The following CEMIP2 variants were observed in gnomAD, a reference collection of about 807,000 sequenced individuals.
CEMIP2 encodes cell migration inducing hyaluronidase 2, also known as cell surface hyaluronidase CEMIP2.
Under a neutral mutation model 146.9 loss-of-function variants are expected in CEMIP2, and 79 were observed. That is an observed-to-expected ratio of 0.54 (90% CI 0.45 to 0.65). The LOEUF is 0.65. Among genes scored for constraint, CEMIP2 ranks in the 30% least tolerant of loss-of-function variants. CEMIP2 has a pLI of 0.00. For missense variants in CEMIP2, 1,596 were observed against 1,696.2 expected (o/e 0.94, Z 1.04); for synonymous variants, 601 against 606.3 (o/e 0.99, Z 0.13).
chr9:71,745,569 T>C lies in CEMIP2; in HGVS notation c.483A>G (p.Val161=). ...TGGATCCATCTTTATTGTCCCCAAA[T>C]ACAAGCAGTCCTGCAGGGAACACCA... ...SIVIQDGGLL[V]FGDNKDGSRN... is the part of the protein sequence containing the mutation. Residue 161 remains valine (V), a synonymous_variant, in exon 4 of 24, where the codon GTA becomes GTG. Transcript: ENST00000377044. 1 of 1,604,180 alleles carries C rather than the reference T, an allele frequency of 6.2e-7. No homozygotes were observed. The highest frequency in any genetic ancestry group is 1.7e-5 in the Admixed American group (1 of 59,798).
At chr9:71,765,554 G>A (rs191131367) in intron 1 of CEMIP2, among the ~76,000 whole-genome samples, 5 of 152,266 alleles carry the variant, frequency 3.3e-5, no homozygotes, top group African/African-American at 1.2e-4. Context: ...TTTTAAGATA[G>A]TACTTCTGAC....
In CEMIP2 at chr9:71,750,308, A is replaced by T; in HGVS notation, c.66T>A (p.Arg22=). 1 of 1,613,902 alleles carries T rather than the reference A, an allele frequency of 6.2e-7. No individual in the cohort carries two copies. Among genetic ancestry groups the T allele is most frequent in the African/African-American group, 1.3e-5 (1 of 75,018 alleles). ...AFLQPQNGNS[R]HPSGYVPGKV... is the part of the protein sequence containing the mutation. ...TCCCTGGAACATAGCCAGATGGGTG[A>T]CGACTATTTCCATTCTGAGGTTGGA... The change falls in exon 2 of 24, where the codon CGT becomes CGA. Residue 22 remains arginine (R), a synonymous_variant. Coordinates refer to ENST00000377044, the MANE Select transcript of CEMIP2 (RefSeq NM_013390.3).
intron 1 of CEMIP2, among the ~76,000 whole-genome samples, chr9:71,766,500 C>G (rs7870422): frequency 6.6e-6 from 1 of 152,016 alleles, no homozygotes; most frequent in Non-Finnish European, 1.5e-5. Flanking sequence ...TACCCTCCAG[C>G]TTGTCTTTTC....
intron 19 of CEMIP2, 87 bp from the exon 20 acceptor site, chr9:71,698,291 A>T: frequency 9.4e-7 from 1 of 1,060,306 alleles, no homozygotes; most frequent in South Asian, 1.5e-5. Context: ...GCCAAAAGGG[A>T]TATTCCTCCA....
intron 5 of CEMIP2, among the ~76,000 whole-genome samples, chr9:71,737,170 A>AAAAG (rs1168153653): frequency 6.8e-5 from 9 of 132,112 alleles, no homozygotes; most frequent in South Asian, 3.1e-4. Context: ...AAAAAAAAAA[A>AAAAG]AAAGAAAGAA....
chr9:71,740,038 A>G (rs1300922166), intron 5 of CEMIP2, 25 bp downstream of exon 5: 1 of 1,602,588 alleles, frequency 6.2e-7, no homozygotes, highest in South Asian at 1.1e-5. Context: ...AGTGTCTTAC[A>G]AGAGTATAAA....
chr9:71,746,399 A>G (rs2132010502), intron 2 of CEMIP2, 58 bp from the exon 3 acceptor site: 1 of 1,591,762 alleles, frequency 6.3e-7, no homozygotes, highest in African/African-American at 1.3e-5. Flanking sequence ...ATATAGCCGA[A>G]TCTAAGCACT....
intron 20 of CEMIP2, among the ~76,000 whole-genome samples, chr9:71,696,719 G>A (rs1822414593): frequency 6.6e-6 from 1 of 151,928 alleles, no homozygotes; most frequent in Non-Finnish European, 1.5e-5. Context: ...GCAGTGAGTC[G>A]AGATCATGCC....
chr9:71,694,099 TTTTATTTATTTA>T (rs77361296), intron 21 of CEMIP2, among the ~76,000 whole-genome samples: 44,202 of 145,448 alleles, frequency 0.3, 6,942 homozygotes, highest in East Asian at 0.48. Flanking sequence ...TGTTGTTTAT[TTTTATTTATTTA>T]TTTATTTATT....
At chr9:71,763,609 T>C (rs1824701240) in intron 1 of CEMIP2, among the ~76,000 whole-genome samples, 1 of 152,246 alleles carries the variant, frequency 6.6e-6, no homozygotes, top group African/African-American at 2.4e-5. Context: ...GAACTTTTAC[T>C]TATTGTTCAA....
chr9:71,737,666 C>T (rs541425701), intron 5 of CEMIP2, among the ~76,000 whole-genome samples: 5 of 152,246 alleles, frequency 3.3e-5, no homozygotes, highest in African/African-American at 1.2e-4. Context: ...TCACCGTACC[C>T]GGCTCTGCCA....
At chr9:71,696,738 C>A (rs1822414988) in intron 20 of CEMIP2, among the ~76,000 whole-genome samples, 1 of 152,058 alleles carries the variant, frequency 6.6e-6, no homozygotes, top group African/African-American at 2.4e-5. Flanking sequence ...CCACTGCACT[C>A]CAGCCTGGGC....
chr9:71,700,679 G>T lies in CEMIP2; in HGVS notation c.3340C>A (p.Gln1114Lys), dbSNP rs1339116715. Residue 1114 changes from glutamine to lysine, a missense_variant, in exon 19 of 24, where the codon CAA becomes AAA. Physicochemically the swap from Gln to Lys is moderately conservative, Grantham distance 53. Coordinates refer to ENST00000377044, the MANE Select transcript of CEMIP2 (RefSeq NM_013390.3). ...TCAAAATAGAATTTCCTCTCGGATT[G>T]CTTTCTTTGCAGTTCTTCCAGTGAA... ...VHSLEELQRK[Q>K]SERKFYFDSS... 1.9e-5 allele frequency: 31 copies of T among 1,608,450 alleles called. No individual in the cohort carries two copies. Among genetic ancestry groups the T allele is most frequent in the Non-Finnish European group, 2.6e-5 (31 of 1,178,234 alleles).
intron 4 of CEMIP2, 102 bp from the exon 5 acceptor site, chr9:71,740,334 A>AT: frequency 7.3e-7 from 1 of 1,375,246 alleles, no homozygotes; most frequent in Non-Finnish European, 9.9e-7. Context: ...CTCATATTTC[A>AT]TTTTCGTCAA....
chr9:71,734,408 G>A (rs893637651), intron 6 of CEMIP2, among the ~76,000 whole-genome samples: 5 of 152,082 alleles, frequency 3.3e-5, no homozygotes, highest in African/African-American at 1.2e-4. Context: ...ATGCATGCTT[G>A]GATTAATACT....
At chr9:71,704,471 C>T in intron 18 of CEMIP2, 124 bp downstream of exon 18, 1 of 950,248 alleles carries the variant, frequency 1.1e-6, no homozygotes, top group Non-Finnish European at 1.6e-6. Context: ...AGCCTCCCCA[C>T]AAGAGAAGCA....
chr9:71,754,107 A>G (rs1422714950), intron 1 of CEMIP2, among the ~76,000 whole-genome samples: 2 of 152,232 alleles, frequency 1.3e-5, no homozygotes, highest in South Asian at 2.1e-4. Context: ...AGAAATACCT[A>G]AAGTAAATGA....
intron 10 of CEMIP2, among the ~76,000 whole-genome samples, chr9:71,727,738 T>G (rs1823432704): frequency 6.6e-6 from 1 of 152,244 alleles, no homozygotes; most frequent in Admixed American, 6.5e-5. Flanking sequence ...TCAACACAGT[T>G]ACAATCTCGA....
At chr9:71,720,352 A>G (rs1296755239) in intron 12 of CEMIP2, among the ~76,000 whole-genome samples, 1 of 152,148 alleles carries the variant, frequency 6.6e-6, no homozygotes, top group African/African-American at 2.4e-5. Flanking sequence ...GCGCAGTGGC[A>G]TGTTCTCAGC....
Sources: gnomAD v4.1 joint callset for allele counts (sites outside exome capture counted in the v4.1 genomes callset) on GRCh38, gnomAD v4.1.1 for gene constraint, MANE v1.5 for transcripts, NCBI Gene and HGNC (gene_info 2026-07-23, HGNC 2026-07-21) for gene names.